The following COL8A2 variants were observed in gnomAD, a reference collection of about 807,000 sequenced individuals.
COL8A2 encodes the protein collagen type VIII alpha 2 chain, also known as collagen alpha-2(VIII) chain.
COL8A2 carries 16 observed loss-of-function variants against 24.0 expected under a neutral mutation model. The ratio of observed to expected loss-of-function variants is 0.67; its 90% CI spans 0.45 to 1.01. The LOEUF (loss-of-function observed/expected upper bound fraction) is 1.01. Among genes scored for constraint, COL8A2 ranks in the 50% least tolerant of loss-of-function variants. The probability of loss-of-function intolerance (pLI) is 0.00; values close to 1 mark genes in which losing one functional copy is unlikely to be tolerated. For synonymous variants in COL8A2, 466 were observed against 424.5 expected (o/e 1.10, Z -1.20); for missense variants, 818 against 942.4 (o/e 0.87, Z 1.73).
chr1:36,110,119 A>G (rs1442849596), intron 2 of COL8A2, among the ~76,000 whole-genome samples: 1 of 149,432 alleles, frequency 6.7e-6, no homozygotes, highest in Non-Finnish European at 1.5e-5. Flanking sequence ...TTTTTAGTAG[A>G]GAGGGAGTTT....
chr1:36,124,231 TCA>T (rs376283498), intron 1 of COL8A2, among the ~76,000 whole-genome samples: 5 of 152,262 alleles, frequency 3.3e-5, no homozygotes, highest in African/African-American at 9.6e-5. Flanking sequence ...CAGCATGGTC[TCA>T]CACAGGCACA....
At chr1:36,112,188 A>G (rs1643852559) in intron 2 of COL8A2, among the ~76,000 whole-genome samples, 1 of 152,160 alleles carries the variant, frequency 6.6e-6, no homozygotes, top group Middle Eastern at 3.4e-3. Flanking sequence ...TATTTTCAGT[A>G]GAGACGGGGT....
At chr1:36,105,540 T>C (rs944559917) in intron 2 of COL8A2, among the ~76,000 whole-genome samples, 3 of 152,212 alleles carry the variant, frequency 2.0e-5, no homozygotes, top group Non-Finnish European at 4.4e-5. Context: ...AAGGCCACGT[T>C]ACGCAGGCCT....
chr1:36,095,546 G>A lies in COL8A2; in HGVS notation c.*2023C>T, dbSNP rs1643549176. The A allele has an allele frequency of 6.6e-6, 1 of 152,172 alleles. No individual in the cohort carries two copies. The highest frequency in any genetic ancestry group is 2.4e-5 in the African/African-American group (1 of 41,442). The allele number at this position is 152,172 out of a possible 1,614,324, so 9.4% of individuals were successfully genotyped here. A position where few individuals can be genotyped will look rare whatever the true frequency, so the allele number is the denominator to read the frequency against. On this transcript the variant is annotated 3_prime_UTR_variant, in exon 4 of 4. Transcript: ENST00000397799. ...GTTTATCAAAGCTAGTCAGTTAAGTGGACACCTGCAACTCAAATCCCATAA... is the reference window on the plus strand; with the variant it reads ...GTTTATCAAAGCTAGTCAGTTAAGTAGACACCTGCAACTCAAATCCCATAA...
In COL8A2 at chr1:36,096,038, C is replaced by T. The variant is rs1163748259; in HGVS notation, c.*1531G>A. 1 of 152,256 alleles carries T rather than the reference C, an allele frequency of 6.6e-6. No homozygotes were observed. The highest frequency in any genetic ancestry group is 2.1e-4 in the South Asian group (1 of 4,836). 9.4% of individuals were successfully genotyped at this position (152,256 alleles called of 1,614,324 possible). ...CCAGTCAGAAGTCAGCAGCCATCCT[C>T]CATTTTCAACATGGACCGCCTGGAC... is the stretch of plus-strand genomic sequence containing the variant. On this transcript the variant is annotated 3_prime_UTR_variant, in exon 4 of 4. Coordinates refer to ENST00000397799, the MANE Select transcript of COL8A2 (RefSeq NM_005202.4).
rs1008827759 is a variant in COL8A2, at chr1:36,098,915, G to A, written c.766C>T (p.Pro256Ser). ...GAPGDKGESG[P>S]PGVPGPRGEP... ...CCCCTGGGGCCTGGAACTCCAGGAG[G>A]CCCAGACTCACCCTTGTCTCCTGGG... Residue 256 changes from proline to serine, a missense_variant, in exon 4 of 4, where the codon CCT (proline) becomes TCT (serine). Pro to Ser is a moderately conservative substitution (Grantham distance 74). Coordinates refer to ENST00000397799, the MANE Select transcript of COL8A2 (RefSeq NM_005202.4). 1.2e-6 allele frequency: 2 copies of A among 1,610,654 alleles called. No individual in the cohort carries two copies. The highest frequency in any genetic ancestry group is 1.7e-6 in the Non-Finnish European group (2 of 1,178,976).
chr1:36,109,887 C>A (rs1468031998), intron 2 of COL8A2, among the ~76,000 whole-genome samples: 1 of 150,820 alleles, frequency 6.6e-6, no homozygotes, highest in African/African-American at 2.4e-5. Context: ...TAAGCCACTG[C>A]GCCAGGCCTT....
intron 2 of COL8A2, among the ~76,000 whole-genome samples, chr1:36,113,544 G>A (rs990157264): frequency 2.0e-5 from 3 of 152,224 alleles, no homozygotes; most frequent in African/African-American, 7.2e-5. Context: ...GGGACTTGGC[G>A]GGGGGTCCAG....
At chr1:36,104,813 T>C (rs1643732190) in intron 2 of COL8A2, among the ~76,000 whole-genome samples, 1 of 152,024 alleles carries the variant, frequency 6.6e-6, no homozygotes. Context: ...ATTAATTAAT[T>C]AATTAAATAA....
In COL8A2 at chr1:36,125,040, C is replaced by T. The variant is rs1643942468; in HGVS notation, c.-62+17G>A. 2 of 968,312 alleles carry T rather than the reference C, an allele frequency of 2.1e-6. No individual in the cohort carries two copies. The highest frequency in any genetic ancestry group is 2.5e-6 in the Non-Finnish European group (2 of 814,620). 60.0% of individuals were successfully genotyped at this position (968,312 alleles called of 1,614,324 possible). ...GCCCCCCAGCCCGAGCCCCGGTGCC[C>T]GCCTCCTGGCCTTTACCTGCGGGCG... On this transcript the variant is annotated intron_variant, in intron 1 of 3. Coordinates refer to ENST00000397799, the MANE Select transcript of COL8A2 (RefSeq NM_005202.4). This position sits in a 1 kb window ranked among gnomAD's most constrained non-coding sequence, Gnocchi z 4.5.
chr1:36,102,527 C>G (rs1643691894), intron 2 of COL8A2, among the ~76,000 whole-genome samples: 1 of 151,870 alleles, frequency 6.6e-6, no homozygotes. Context: ...GTCTCAAACT[C>G]TTTTAGGGAA....
rs1415802273 is a variant in COL8A2, at chr1:36,099,465, C to T, written c.216G>A (p.Pro72=). The T allele has an allele frequency of 2.6e-6, 4 of 1,540,976 alleles. No homozygotes were observed. The highest frequency in any genetic ancestry group is 8.7e-7 in the Non-Finnish European group (1 of 1,149,164). Residue 72 remains proline, a synonymous_variant, in exon 4 of 4, where the codon CCG becomes CCA. Transcript: ENST00000397799. ...QYLEMPLPLL[P]MDLKGEPGPP... ...GGCCGGGCTCTCCCTTCAGGTCCAT[C>T]GGCAGCAGCGGTAGAGGCATTTCTG...
chr1:36,121,381 T>C, intron 1 of COL8A2, among the ~76,000 whole-genome samples: 1 of 89,514 alleles, frequency 1.1e-5, no homozygotes, highest in African/African-American at 4.9e-5. Flanking sequence ...AGAGCCAGAC[T>C]CTGTCTCAAA....
At chr1:36,111,690 A>G (rs997465890) in intron 2 of COL8A2, among the ~76,000 whole-genome samples, 6 of 152,032 alleles carry the variant, frequency 3.9e-5, no homozygotes, top group Non-Finnish European at 8.8e-5. Context: ...AGCTGGGACT[A>G]CAGGTGTAAG....
At chr1:36,104,536 G>A (rs772918676) in intron 2 of COL8A2, among the ~76,000 whole-genome samples, 67 of 148,172 alleles carry the variant, frequency 4.5e-4, no homozygotes, top group Admixed American at 3.2e-3. Context: ...GGCTGGACGC[G>A]GTGGCTCACA....
At chr1:36,109,606 CAG>C (rs1474428215) in intron 2 of COL8A2, among the ~76,000 whole-genome samples, 3 of 146,398 alleles carry the variant, frequency 2.0e-5, no homozygotes, top group Non-Finnish European at 4.5e-5. Flanking sequence ...TCTTTTGAGA[CAG>C]AGCCAGGCTG....
In COL8A2 at chr1:36,098,361, C is replaced by T. The variant is rs1643611168; in HGVS notation, c.1320G>A (p.Val440=). The change falls in exon 4 of 4, where the codon GTG becomes GTA. Residue 440 remains valine, a synonymous_variant. Coordinates refer to ENST00000397799, the MANE Select transcript of COL8A2 (RefSeq NM_005202.4). The part of the protein sequence containing the change: ...GFTGRPGGPG[V]AGALGQKGDL... ...CACCTTTCTGCCCCAGGGCTCCTGC[C>T]ACCCCTGGTCCTCCAGGGCGACCCG... 1 of 1,552,082 alleles carries T rather than the reference C, an allele frequency of 6.4e-7. No individual in the cohort carries two copies. Among genetic ancestry groups the T allele is most frequent in the African/African-American group, 1.4e-5 (1 of 73,160 alleles).
At position 36,097,483 on chromosome 1, in the gene COL8A2, T is replaced by C. The variant is rs920230885; in HGVS notation, c.*86A>G. 1 of 1,186,028 alleles carries C rather than the reference T, an allele frequency of 8.4e-7. No homozygotes were observed. 73.5% of individuals were successfully genotyped at this position (1,186,028 alleles called of 1,614,324 possible). ...GGCCGCCTCTGTTCAGCTTTTGTTT[T>C]TTTTTCCAGGAGGTTCTTTGTAATT... On this transcript the variant is annotated 3_prime_UTR_variant, in exon 4 of 4. Transcript: ENST00000397799.
At chr1:36,101,184 G>A (rs886536913) in intron 2 of COL8A2, among the ~76,000 whole-genome samples, 4 of 152,094 alleles carry the variant, frequency 2.6e-5, no homozygotes, top group South Asian at 2.1e-4. Context: ...ATGAGCCACC[G>A]CGCCCGGCCT....
Sources: gnomAD v4.1 joint callset for allele counts (sites outside exome capture counted in the v4.1 genomes callset) on GRCh38, gnomAD v4.1.1 for gene constraint, Gnocchi (gnomAD v3.1) non-coding constraint, MANE v1.5 for transcripts, NCBI Gene and HGNC (gene_info 2026-07-23, HGNC 2026-07-21) for gene names.